CPLANE1: variants seen among roughly 807,000 people sequenced by gnomAD.
CPLANE1 encodes the protein ciliogenesis and planar polarity effector complex subunit 1, also known as ciliogenesis and planar polarity effector 1.
In CPLANE1, 263 loss-of-function variants were observed where a neutral mutation model predicts 362.5. That is an observed-to-expected ratio of 0.73 (90% CI 0.66 to 0.80). The LOEUF is 0.80. Among genes scored for constraint, CPLANE1 ranks in the 30% least tolerant of loss-of-function variants. The probability of loss-of-function intolerance (pLI) is 0.00; values close to 1 mark genes in which losing one functional copy is unlikely to be tolerated. For synonymous variants in CPLANE1, 1,212 were observed against 1,302.6 expected (o/e 0.93, Z 1.50); for missense variants, 3,461 against 3,793.4 (o/e 0.91, Z 2.30).
intron 26 of CPLANE1, among the ~76,000 whole-genome samples, chr5:37,181,366 G>A (rs959712792): frequency 6.6e-6 from 1 of 152,132 alleles, no homozygotes; most frequent in Non-Finnish European, 1.5e-5. Flanking sequence ...AAATGACATA[G>A]TAGACAAAAA....
chr5:37,144,465 G>T (rs1413418194), intron 43 of CPLANE1, among the ~76,000 whole-genome samples: 1 of 150,326 alleles, frequency 6.7e-6, no homozygotes, highest in African/African-American at 2.4e-5. Context: ...GCAGAGAAGA[G>T]AAAATACCAG....
At chr5:37,094,354 C>T in the CPLANE1 span, among the ~76,000 whole-genome samples, 1 of 152,096 alleles carries the variant, frequency 6.6e-6, no homozygotes, top group African/African-American at 2.4e-5. Context: ...TCAATGAAAT[C>T]AAGACTGAAA....
rs1281721011 is a variant in CPLANE1, at chr5:37,210,904, A to C, written c.2920+2655T>G. 1.2e-5 allele frequency: 9 copies of C among 781,210 alleles called. No individual in the cohort carries two copies. In the African/African-American group the frequency reaches 1.5e-4, roughly 13 times the overall value. 48.4% of individuals were successfully genotyped at this position (781,210 alleles called of 1,614,324 possible). A position where few individuals can be genotyped will look rare whatever the true frequency, so the allele number is the denominator to read the frequency against. Reference sequence around the variant, plus strand: ...GCTCTGCACAAACAACTGCAAGATGAAATTGAGCATACTACACAGTTGAAG... The same window carrying C: ...GCTCTGCACAAACAACTGCAAGATGCAATTGAGCATACTACACAGTTGAAG... On this transcript the variant is annotated intron_variant, in intron 16 of 52. Transcript: ENST00000651892.
intron 26 of CPLANE1, among the ~76,000 whole-genome samples, chr5:37,182,329 G>A (rs992328006): frequency 5.3e-5 from 8 of 152,218 alleles, no homozygotes; most frequent in African/African-American, 1.9e-4. Context: ...GCCTTTCTGT[G>A]TTTGGTTCTC....
chr5:37,141,633 A>C, intron 44 of CPLANE1: 1 of 974,822 alleles, frequency 1.0e-6, no homozygotes, highest in Non-Finnish European at 1.2e-6. Flanking sequence ...ACATATACTA[A>C]ACACTCAGTA....
rs1028187330 is a variant in CPLANE1, at chr5:37,199,326, T to C, written c.3508-460A>G. On this transcript the variant is annotated intron_variant, in intron 19 of 52. Coordinates refer to ENST00000651892, the MANE Select transcript of CPLANE1 (RefSeq NM_001384732.1). ...TTAAAGCCCGCTACTCCAGACTCCA[T>C]TGGTGGGATGTTACAGAGAGGTCCA... Among the ~76,000 whole-genome samples the C allele has an allele frequency of 3.3e-5, 5 of 152,148 alleles. No individual in the cohort carries two copies. The East Asian group carries it at 5.8e-4, about 18-fold the overall frequency.
At position 37,170,138 on chromosome 5, in the gene CPLANE1, T is replaced by A. The variant is rs776370347; in HGVS notation, c.6365A>T (p.Gln2122Leu). ...NLKERFFIKPQSMGENAREPR... is the reference protein window; with the variant it reads ...NLKERFFIKPLSMGENAREPR... ...CTCTCTGGCGTTCTCTCCCATTGAC[T>A]GTGGTTTAATAAAAAATCTCTCCTT... Residue 2122 changes from glutamine (Q) to leucine (L), a missense_variant, in exon 33 of 53, where the codon CAG becomes CTG. Physicochemically the swap from Gln to Leu is moderately radical, Grantham distance 113. This residue lies in a region of CPLANE1 where 3,380 missense variants were observed against 3,666.1 expected (regional missense o/e 0.92). Coordinates refer to ENST00000651892, the MANE Select transcript of CPLANE1 (RefSeq NM_001384732.1). 8 of 1,614,112 alleles carry A rather than the reference T, an allele frequency of 5.0e-6. No homozygotes were observed. In the East Asian group the frequency reaches 1.8e-4, roughly 36 times the overall value.
Position 37,226,654 on chromosome 5 carries a change from A to G in CPLANE1, c.1941T>C (p.His647=). The G allele has an allele frequency of 1.9e-6, 3 of 1,551,426 alleles. No homozygotes were observed. Among genetic ancestry groups the G allele is most frequent in the Non-Finnish European group, 1.7e-6 (2 of 1,146,868 alleles). Residue 647 remains histidine, a synonymous_variant, in exon 12 of 53, where the codon CAT becomes CAC. Coordinates refer to ENST00000651892, the MANE Select transcript of CPLANE1 (RefSeq NM_001384732.1). The part of the protein sequence containing the change: ...FQLFHQCLSI[H]YWDIRYKQDV... ...CTTGTTTGTATCTTATATCCCAATA[A>G]TGGATTGATAAACACTGATGAAAAA...
intron 8 of CPLANE1, among the ~76,000 whole-genome samples, chr5:37,235,827 C>T (rs1798853136): frequency 6.6e-6 from 1 of 151,530 alleles, no homozygotes; most frequent in Admixed American, 6.6e-5. Flanking sequence ...ACCTTGGCCT[C>T]CCAAAGTGCT....
chr5:37,154,456 G>GTTTTTTTTTTTTTTT (rs1457651303), intron 41 of CPLANE1, among the ~76,000 whole-genome samples: 11 of 83,124 alleles, frequency 1.3e-4, no homozygotes, highest in African/African-American at 3.7e-4. Context: ...ATTTGCAATA[G>GTTTTTTTTTTTTTTT]TTCTTTTTTT....
chr5:37,154,916 G>A (rs768946566), intron 41 of CPLANE1, among the ~76,000 whole-genome samples: 5 of 152,004 alleles, frequency 3.3e-5, no homozygotes, highest in East Asian at 1.9e-4. Context: ...TCCTTGTTCC[G>A]CAGCTCAGCA....
rs1323360279 is a variant in CPLANE1, at chr5:37,201,633, T to C, written c.3465A>G (p.Pro1155=). The C allele has an allele frequency of 1.9e-6, 3 of 1,614,032 alleles. No homozygotes were observed. The African/African-American group carries it at 4.0e-5, about 22-fold the overall frequency. ...GCTGGGGACAGTACAATGGAGGAGC[T>C]GGAAGATACAAGCCGAATGGCACTA... ...WGLVPFGLYL[P]APPLYCPQPA... is the part of the protein sequence containing the mutation. Residue 1155 remains proline, a synonymous_variant, in exon 19 of 53, where the codon CCA becomes CCG. Transcript: ENST00000651892.
At chr5:37,140,223 T>C in intron 44 of CPLANE1, 1 of 896,474 alleles carries the variant, frequency 1.1e-6, no homozygotes, top group Non-Finnish European at 1.3e-6. Context: ...GGGAAAAGTG[T>C]TCTGACATCT....
rs35522666 is a variant in CPLANE1 at position 37,154,459 on chromosome 5, C to CTTTTTTTTTTTTTTTTTT, written c.8120-484_8120-467dup. On this transcript the variant is annotated intron_variant, in intron 41 of 52. Coordinates refer to ENST00000651892, the MANE Select transcript of CPLANE1 (RefSeq NM_001384732.1). Reference sequence around the variant, plus strand: ...TTCTTCTCCCAAATTTGCAATAGTTCTTTTTTTTTTTTTTTTTTTTTTTTA... The same window carrying CTTTTTTTTTTTTTTTTTT: ...TTCTTCTCCCAAATTTGCAATAGTTCTTTTTTTTTTTTTTTTTTTTTTTTTTTTTTTTTTTTTTTTTTA... Among the ~76,000 whole-genome samples, 95 of 84,576 alleles carry CTTTTTTTTTTTTTTTTTT rather than the reference C, an allele frequency of 1.1e-3. 14 individuals carry two copies. The highest frequency in any genetic ancestry group is 2.9e-3 in the African/African-American group (51 of 17,646). The allele number at this position is 84,576 out of a possible 152,430, so 55.5% of individuals were successfully genotyped here. A position where few individuals can be genotyped will look rare whatever the true frequency, so the allele number is the denominator to read the frequency against.
At chr5:37,211,341 T>G (rs1294292230) in intron 16 of CPLANE1, 2 of 1,510,140 alleles carry the variant, frequency 1.3e-6, no homozygotes, top group Admixed American at 4.4e-5. Flanking sequence ...CATTAAAAAC[T>G]CTGCCAAAGG....
chr5:37,238,844 A>G lies in CPLANE1; in HGVS notation c.938+13T>C, dbSNP rs892291046. ...GAAAAAAAGAAAAAAAAGACAGACA[A>G]AAGAGTTCTTACCTAATAAGTGTAG... is the stretch of plus-strand genomic sequence containing the variant. On this transcript the variant is annotated intron_variant, in intron 8 of 52. Transcript: ENST00000651892. 2.8e-6 allele frequency: 4 copies of G among 1,418,390 alleles called. No homozygotes were observed. The highest frequency in any genetic ancestry group is 5.2e-5 in the Admixed American group (2 of 38,812). 87.9% of individuals were successfully genotyped at this position (1,418,390 alleles called of 1,614,324 possible). A position where few individuals can be genotyped will look rare whatever the true frequency, so the allele number is the denominator to read the frequency against.
intron 42 of CPLANE1, among the ~76,000 whole-genome samples, chr5:37,150,775 C>T (rs191026929): frequency 6.6e-6 from 1 of 152,300 alleles, no homozygotes; most frequent in East Asian, 1.9e-4. Context: ...ATAGAGCTAG[C>T]AGCATAAGAA....
intron 41 of CPLANE1, among the ~76,000 whole-genome samples, chr5:37,156,224 G>A (rs1476306258): frequency 6.6e-6 from 1 of 152,186 alleles, no homozygotes; most frequent in Non-Finnish European, 1.5e-5. Context: ...ACCTAGGGGA[G>A]ACTTAGGTTT....
the CPLANE1 span, among the ~76,000 whole-genome samples, chr5:37,081,850 A>G: frequency 2.0e-5 from 3 of 152,110 alleles, no homozygotes; most frequent in Non-Finnish European, 2.9e-5. Context: ...CTCAGAAGAA[A>G]GTGACATTGG....
Sources: allele counts gnomAD v4.1 joint callset (sites outside exome capture counted in the v4.1 genomes callset), GRCh38; gene constraint gnomAD v4.1.1; regional missense constraint gnomAD v4.1.1; transcripts MANE v1.5; gene names NCBI Gene and HGNC (gene_info 2026-07-23, HGNC 2026-07-21).